Variants in GARRE1 observed in about 807,000 individuals in gnomAD.
GARRE1 encodes the protein granule associated Rac and RHOG effector protein 1.
In GARRE1, 49 loss-of-function variants were observed where a neutral mutation model predicts 103.2. That is an observed-to-expected ratio of 0.47 (90% confidence interval 0.38 to 0.60). The LOEUF (loss-of-function observed/expected upper bound fraction) is 0.60, where lower values mean the gene tolerates loss of function less well. Ranked by LOEUF, GARRE1 falls within the 20% of genes least tolerant of loss-of-function variation. The probability of loss-of-function intolerance (pLI) is 0.00; values close to 1 mark genes in which losing one functional copy is unlikely to be tolerated. For missense variants in GARRE1, 1,199 were observed against 1,370.5 expected (o/e 0.87, Z 1.98); for synonymous variants, 505 against 532.8 (o/e 0.95, Z 0.72).
intron 1 of GARRE1, among the ~76,000 whole-genome samples, chr19:34,278,734 G>A (rs2073833242): frequency 6.6e-6 from 1 of 151,806 alleles, no homozygotes. Context: ...GTGCAGTGGT[G>A]CAGTCAAGCT....
chr19:34,269,829 G>C (rs1395716848), intron 1 of GARRE1, among the ~76,000 whole-genome samples: 1 of 152,194 alleles, frequency 6.6e-6, no homozygotes, highest in Non-Finnish European at 1.5e-5. Context: ...GAACAGTTCA[G>C]TTTTTGCATG....
chr19:34,276,255 C>CT (rs2073816555), intron 1 of GARRE1, among the ~76,000 whole-genome samples: 1 of 152,102 alleles, frequency 6.6e-6, no homozygotes, highest in Admixed American at 6.6e-5. Flanking sequence ...GTTGACCAGG[C>CT]TGGTCTCATG....
At chr19:34,301,456 G>A (rs1265094681) in intron 2 of GARRE1, among the ~76,000 whole-genome samples, 1 of 144,964 alleles carries the variant, frequency 6.9e-6, no homozygotes, top group Non-Finnish European at 1.5e-5. Context: ...TGAGGCTGCA[G>A]TGAGCCGTGA....
intron 2 of GARRE1, among the ~76,000 whole-genome samples, chr19:34,307,779 A>C (rs1453910194): frequency 7.5e-6 from 1 of 133,986 alleles, no homozygotes; most frequent in African/African-American, 2.9e-5. Context: ...TATACTATAA[A>C]ATATATATAC....
chr19:34,347,873 G>A lies in GARRE1; in HGVS notation c.2522-4G>A. 3 of 1,539,416 alleles carry A rather than the reference G, an allele frequency of 1.9e-6. No homozygotes were observed. Among genetic ancestry groups the A allele is most frequent in the South Asian group, 2.4e-5 (2 of 82,810 alleles). ...ACCCGGTTTATTCCTTTGTCCCAAT[G>A]CAGTGGGCTCAGACCCAGAGTTTGC... On this transcript the variant is annotated splice_polypyrimidine_tract_variant and splice_region_variant and intron_variant, in intron 10 of 13. Coordinates refer to ENST00000299505, the MANE Select transcript of GARRE1 (RefSeq NM_014686.5).
At chr19:34,320,905 CT>C (rs35585974) in intron 3 of GARRE1, among the ~76,000 whole-genome samples, 11,916 of 124,988 alleles carry the variant, frequency 0.095, 790 homozygotes, top group African/African-American at 0.2. Context: ...ATTATTATTA[CT>C]TTTTTTTTTT....
At chr19:34,289,862 G>T (rs2073907835) in intron 1 of GARRE1, among the ~76,000 whole-genome samples, 1 of 152,148 alleles carries the variant, frequency 6.6e-6, no homozygotes, top group South Asian at 2.1e-4. Context: ...ACTACATGTG[G>T]TCTAGTGCAA....
At chr19:34,296,115 T>G (rs919171170) in intron 1 of GARRE1, among the ~76,000 whole-genome samples, 10 of 151,738 alleles carry the variant, frequency 6.6e-5, no homozygotes, top group African/African-American at 2.4e-4. Context: ...CAACATTTTT[T>G]CTTTCAGTAT....
chr19:34,287,798 CTTT>C (rs2073895836), intron 1 of GARRE1, among the ~76,000 whole-genome samples: 2 of 152,148 alleles, frequency 1.3e-5, no homozygotes, highest in African/African-American at 4.8e-5. Context: ...GAACTGGCCT[CTTT>C]TTATAAGGGC....
At position 34,348,018 on chromosome 19, in the gene GARRE1, C is replaced by G. The variant is rs1408225008; in HGVS notation, c.2663C>G (p.Pro888Arg). ...PPMDDAHRTW[P>R]FPEFFTEGDG... ...ATGGATGACGCGCATCGGACCTGGC[C>G]CTTCCCCGAGTTCTTCACAGAAGGG... The change falls in exon 11 of 14, where the codon CCC becomes CGC. Residue 888 changes from proline (P) to arginine (R), a missense_variant. Pro to Arg is a moderately radical substitution (Grantham distance 103). Transcript: ENST00000299505. 1.3e-6 allele frequency: 2 copies of G among 1,511,092 alleles called. No individual in the cohort carries two copies. The highest frequency in any genetic ancestry group is 1.8e-6 in the Non-Finnish European group (2 of 1,121,422). The allele number at this position is 1,511,092 out of a possible 1,614,324, so 93.6% of individuals were successfully genotyped here. A position where few individuals can be genotyped will look rare whatever the true frequency, so the allele number is the denominator to read the frequency against.
At chr19:34,259,253 G>A (rs2073698468) in intron 1 of GARRE1, among the ~76,000 whole-genome samples, 1 of 152,168 alleles carries the variant, frequency 6.6e-6, no homozygotes, top group Admixed American at 6.5e-5. Flanking sequence ...CTTACCAGCC[G>A]GTGAATCACA....
chr19:34,283,939 C>G (rs1328461015), intron 1 of GARRE1, among the ~76,000 whole-genome samples: 1 of 148,606 alleles, frequency 6.7e-6, no homozygotes, highest in Non-Finnish European at 1.5e-5. Flanking sequence ...TCATGCCATT[C>G]TCCTGCCTCA....
chr19:34,350,917 G>A (rs1277449803), intron 12 of GARRE1, among the ~76,000 whole-genome samples: 3 of 151,868 alleles, frequency 2.0e-5, no homozygotes, highest in Non-Finnish European at 4.4e-5. Context: ...ACAAAAAGCC[G>A]GCCGGACTCG....
rs200140163 is a variant in GARRE1, at chr19:34,349,067, G to C, written c.2739G>C (p.Ser913=). ...WSGAQGDSAS[S]SDETSSANGD... ...GTGCTCAGGGAGACTCTGCCAGCTC[G>C]AGTGATGAGACATCCTCAGCCAACG... is the stretch of plus-strand genomic sequence containing the variant. Residue 913 remains serine (S), a synonymous_variant, in exon 12 of 14, where the codon TCG becomes TCC. Coordinates refer to ENST00000299505, the MANE Select transcript of GARRE1 (RefSeq NM_014686.5). 31 of 1,612,614 alleles carry C rather than the reference G, an allele frequency of 1.9e-5. No individual in the cohort carries two copies. The highest frequency in any genetic ancestry group is 2.5e-5 in the Non-Finnish European group (29 of 1,180,030).
intron 1 of GARRE1, among the ~76,000 whole-genome samples, chr19:34,260,911 G>C (rs1019715179): frequency 1.3e-5 from 2 of 152,182 alleles, no homozygotes; most frequent in African/African-American, 4.8e-5. Flanking sequence ...TTCTGGGAGA[G>C]GATTGGGACA....
intron 2 of GARRE1, among the ~76,000 whole-genome samples, chr19:34,308,685 G>A (rs1285926311): frequency 6.6e-6 from 1 of 152,192 alleles, no homozygotes; most frequent in Non-Finnish European, 1.5e-5. Context: ...CTTTGACTTT[G>A]ATTTGTCAAG....
chr19:34,256,502 A>G (rs2073673813), intron 1 of GARRE1, among the ~76,000 whole-genome samples: 1 of 151,054 alleles, frequency 6.6e-6, no homozygotes, highest in South Asian at 2.1e-4. Context: ...CCTGGGCAAC[A>G]GAGTGAGACT....
chr19:34,307,335 G>A (rs556902755), intron 2 of GARRE1, among the ~76,000 whole-genome samples: 138 of 152,082 alleles, frequency 9.1e-4, no homozygotes, highest in African/African-American at 3.2e-3. Context: ...CTGGTTTTAC[G>A]TTGGGTCCTC....
chr19:34,340,582 C>T (rs1193335676), intron 9 of GARRE1, among the ~76,000 whole-genome samples: 1 of 152,040 alleles, frequency 6.6e-6, no homozygotes, highest in Non-Finnish European at 1.5e-5. Context: ...TGCAATATTG[C>T]TCTCCATCCA....
Sources: allele counts gnomAD v4.1 joint callset (sites outside exome capture counted in the v4.1 genomes callset), GRCh38; gene constraint gnomAD v4.1.1; transcripts MANE v1.5; gene names NCBI Gene and HGNC (gene_info 2026-07-23, HGNC 2026-07-21).